SLC9C2: variants seen among roughly 807,000 people sequenced by gnomAD.
SLC9C2 encodes sodium/hydrogen exchanger 11.
SLC9C2 carries 75 observed loss-of-function variants against 140.2 expected under a neutral mutation model. The observed-to-expected ratio is 0.53, with a 90% confidence interval of 0.44 to 0.65. The LOEUF (loss-of-function observed/expected upper bound fraction) is 0.65, where lower values mean the gene tolerates loss of function less well. Ranked by LOEUF, SLC9C2 falls within the 30% of genes least tolerant of loss-of-function variation. The probability of loss-of-function intolerance (pLI) is 0.00; values close to 1 mark genes in which losing one functional copy is unlikely to be tolerated. For missense variants in SLC9C2, 1,074 were observed against 1,331.8 expected (o/e 0.81, Z 3.01); for synonymous variants, 375 against 420.9 (o/e 0.89, Z 1.34).
chr1:173,528,104 G>A (rs1053683689), intron 18 of SLC9C2, among the ~76,000 whole-genome samples: 5 of 152,114 alleles, frequency 3.3e-5, no homozygotes, highest in African/African-American at 4.8e-5. Context: ...GCACAAAAGC[G>A]CATGGGACCT....
intron 4 of SLC9C2, among the ~76,000 whole-genome samples, chr1:173,590,277 A>C (rs1016607807): frequency 6.6e-6 from 1 of 152,036 alleles, no homozygotes; most frequent in African/African-American, 2.4e-5. Flanking sequence ...AGAGTATAGA[A>C]AATATTTAAA....
chr1:173,512,223 A>C (rs1167210340), intron 23 of SLC9C2, among the ~76,000 whole-genome samples: 1 of 152,220 alleles, frequency 6.6e-6, no homozygotes, highest in Non-Finnish European at 1.5e-5. Context: ...ATAGCATTGA[A>C]TCTATAAATA....
intron 10 of SLC9C2, among the ~76,000 whole-genome samples, chr1:173,556,465 A>T (rs570331796): frequency 1.3e-5 from 2 of 152,222 alleles, no homozygotes; most frequent in African/African-American, 4.8e-5. Context: ...CCCTAAAGAC[A>T]TAAACCTAAC....
chr1:173,524,398 T>C (rs1256592222), intron 20 of SLC9C2, among the ~76,000 whole-genome samples: 1 of 152,168 alleles, frequency 6.6e-6, no homozygotes, highest in Non-Finnish European at 1.5e-5. Context: ...GAAGATGCCA[T>C]AGAGGGCAAC....
rs373419930 is a variant in SLC9C2 at position 173,557,524 on chromosome 1, C to T, written c.1047-16G>A. ...AGTAAGCAACCTGTGGAGAGGGAAA[C>T]ATTAAAAATAAATCTCACCTTGTTT... is the stretch of plus-strand genomic sequence containing the variant. On this transcript the variant is annotated splice_polypyrimidine_tract_variant and intron_variant, in intron 9 of 27. Transcript: ENST00000367714. 8.1e-6 allele frequency: 13 copies of T among 1,596,428 alleles called. No homozygotes were observed. The highest frequency in any genetic ancestry group is 1.0e-5 in the Non-Finnish European group (12 of 1,173,508).
chr1:173,541,351 T>A (rs1662394864), intron 13 of SLC9C2, among the ~76,000 whole-genome samples: 1 of 152,152 alleles, frequency 6.6e-6, no homozygotes, highest in African/African-American at 2.4e-5. Flanking sequence ...GCACCCAGAT[T>A]CATAAAGCAA....
chr1:173,576,838 A>C, intron 7 of SLC9C2, 78 bp from the exon 8 acceptor site: 1 of 890,546 alleles, frequency 1.1e-6, no homozygotes, highest in South Asian at 1.7e-5. Context: ...TCTTGAATAA[A>C]GAATTGGTGG....
Position 173,506,853 on chromosome 1 carries a change from T to C in SLC9C2, c.3225+3A>G. 1.9e-6 allele frequency: 3 copies of C among 1,609,452 alleles called. No homozygotes were observed. Among genetic ancestry groups the C allele is most frequent in the Non-Finnish European group, 2.5e-6 (3 of 1,178,146 alleles). ...GAGACTCTTTAGAAATGATATTTCT[T>C]ACCTGCTCACAGGTTGTAGGTATAA... is the stretch of plus-strand genomic sequence containing the variant. On this transcript the variant is annotated splice_donor_region_variant and intron_variant, in intron 25 of 27. Transcript: ENST00000367714.
intron 6 of SLC9C2, 35 bp from the exon 7 acceptor site, chr1:173,582,043 C>T (rs1390394949): frequency 2.8e-6 from 4 of 1,431,108 alleles, no homozygotes; most frequent in South Asian, 3.2e-5. Context: ...GAAATAAAAA[C>T]TTGAGCTATA....
chr1:173,567,115 G>T (rs1664522791), intron 9 of SLC9C2, among the ~76,000 whole-genome samples: 1 of 152,098 alleles, frequency 6.6e-6, no homozygotes, highest in Non-Finnish European at 1.5e-5. Flanking sequence ...AATGATCCAT[G>T]TGCTGAGGAG....
At chr1:173,594,795 C>T (rs868611293) in intron 4 of SLC9C2, among the ~76,000 whole-genome samples, 3 of 152,134 alleles carry the variant, frequency 2.0e-5, no homozygotes, top group Non-Finnish European at 2.9e-5. Context: ...ATTTTTAAAA[C>T]GTATGAAACC....
At chr1:173,601,542 C>A in intron 2 of SLC9C2, 108 bp downstream of exon 2, 3 of 1,244,060 alleles carry the variant, frequency 2.4e-6, no homozygotes, top group South Asian at 1.5e-5. Flanking sequence ...CATGTCTTAT[C>A]GTTTCAATGG....
chr1:173,520,538 T>C (rs1008173798), intron 22 of SLC9C2, among the ~76,000 whole-genome samples: 5 of 152,216 alleles, frequency 3.3e-5, no homozygotes, highest in Admixed American at 3.3e-4. Context: ...GTCAATCCCA[T>C]GCCTAGAATT....
Position 173,503,228 on chromosome 1 carries a change from A to G in SLC9C2, c.3371+38T>C, listed in dbSNP as rs371636453. ...TTAGCTGTATAGTTCAATATTTGCA[A>G]TAAGAAAAAATTCTAATCAAAGTGT... is the stretch of plus-strand genomic sequence containing the variant. On this transcript the variant is annotated intron_variant, in intron 27 of 27. Transcript: ENST00000367714. The G allele has an allele frequency of 7.7e-6, 12 of 1,568,134 alleles. No homozygotes were observed. In the African/African-American group the frequency reaches 1.4e-4, roughly 18 times the overall value.
chr1:173,519,021 T>C (rs1250561529), intron 22 of SLC9C2, among the ~76,000 whole-genome samples: 2 of 152,076 alleles, frequency 1.3e-5, no homozygotes, highest in Non-Finnish European at 2.9e-5. Context: ...AGATGATTTT[T>C]GGAGTTAAGG....
intron 9 of SLC9C2, among the ~76,000 whole-genome samples, chr1:173,563,319 T>C (rs1664239802): frequency 6.6e-6 from 1 of 152,064 alleles, no homozygotes. Flanking sequence ...CCTTTTATTT[T>C]CAAAAATTTC....
chr1:173,562,806 A>G (rs1202609762), intron 9 of SLC9C2, among the ~76,000 whole-genome samples: 1 of 152,236 alleles, frequency 6.6e-6, no homozygotes, highest in Non-Finnish European at 1.5e-5. Context: ...TTCAACAAAT[A>G]TATATAAAAA....
At chr1:173,572,029 C>G (rs1251782996) in intron 9 of SLC9C2, among the ~76,000 whole-genome samples, 3 of 152,130 alleles carry the variant, frequency 2.0e-5, no homozygotes, top group Non-Finnish European at 2.9e-5. Flanking sequence ...CTCACAGCAA[C>G]CCTCTGAGAT....
At chr1:173,532,136 A>C (rs1661622628) in intron 17 of SLC9C2, among the ~76,000 whole-genome samples, 1 of 152,262 alleles carries the variant, frequency 6.6e-6, no homozygotes. Context: ...ATCTGTAAGC[A>C]CAAACTGGAT....
Sources: allele counts gnomAD v4.1 joint callset (sites outside exome capture counted in the v4.1 genomes callset), GRCh38; gene constraint gnomAD v4.1.1; transcripts MANE v1.5; gene names NCBI Gene and HGNC (gene_info 2026-07-23, HGNC 2026-07-21).